Variants in CIPC observed in about 807,000 individuals in gnomAD.
CIPC encodes the protein CLOCK-interacting pacemaker.
Under a neutral mutation model 26.7 loss-of-function variants are expected in CIPC, and 12 were observed. That is an observed-to-expected ratio of 0.45 (90% CI 0.29 to 0.73). The LOEUF (loss-of-function observed/expected upper bound fraction) is 0.73. Ranked by LOEUF, CIPC falls within the 30% of genes least tolerant of loss-of-function variation. The pLI is 0.12. For missense variants in CIPC, 417 were observed against 486.5 expected (o/e 0.86, Z 1.34); for synonymous variants, 170 against 189.8 (o/e 0.90, Z 0.86).
intron 1 of CIPC, among the ~76,000 whole-genome samples, chr14:77,102,592 T>G (rs574019468): frequency 6.6e-6 from 1 of 152,352 alleles, no homozygotes; most frequent in Non-Finnish European, 1.5e-5. Context: ...CCTTTTTCAT[T>G]GTTTTGCCGC....
In CIPC at chr14:77,113,737, G is replaced by C. The variant is rs769920413; in HGVS notation, c.619G>C (p.Ala207Pro). Residue 207 changes from alanine to proline, a missense_variant, in exon 4 of 4, where the codon GCT (alanine) becomes CCT (proline). By Grantham distance (27) the Ala-to-Pro change is conservative. Coordinates refer to ENST00000361786, the MANE Select transcript of CIPC (RefSeq NM_033426.3). ...TTCCAGTGAGCCAACCAAGGCTGGT[G>C]CTGTCCCATCCAGTCCCTCGACGCC... ...LSSSEPTKAGAVPSSPSTPAP... is the reference protein window; with the variant it reads ...LSSSEPTKAGPVPSSPSTPAP... 4 of 1,612,758 alleles carry C rather than the reference G, an allele frequency of 2.5e-6. No homozygotes were observed. In the South Asian group the frequency reaches 4.4e-5, roughly 18 times the overall value.
At chr14:77,113,375 A>G (rs745504591) in intron 3 of CIPC, 50 bp from the exon 4 acceptor site, 12 of 1,602,996 alleles carry the variant, frequency 7.5e-6, no homozygotes, top group South Asian at 2.2e-5. Context: ...TCACTCCTCT[A>G]TCCTTTCAGC....
intron 2 of CIPC, among the ~76,000 whole-genome samples, chr14:77,108,443 G>T (rs1886633732): frequency 6.6e-6 from 1 of 152,154 alleles, no homozygotes; most frequent in South Asian, 2.1e-4. Context: ...TGTAATCTCA[G>T]CACTTTGGGA....
Position 77,114,417 on chromosome 14 carries a change from A to G in CIPC, c.*99A>G. The G allele has an allele frequency of 1.5e-6, 2 of 1,292,484 alleles. No homozygotes were observed. The highest frequency in any genetic ancestry group is 2.1e-6 in the Non-Finnish European group (2 of 933,338). The allele number at this position is 1,292,484 out of a possible 1,614,324, so 80.1% of individuals were successfully genotyped here. ...AGCTTATGTAAGAGCTTTTCCTTCT[A>G]AACTTAAACTGTGTTGTGGTTCACT... On this transcript the variant is annotated 3_prime_UTR_variant, in exon 4 of 4. Transcript: ENST00000361786.
chr14:77,116,336 T>G lies in CIPC; in HGVS notation c.*2018T>G, dbSNP rs1301044422. 2.6e-5 allele frequency: 4 copies of G among 152,234 alleles called. No homozygotes were observed. The highest frequency in any genetic ancestry group is 5.9e-5 in the Non-Finnish European group (4 of 68,038). 9.4% of individuals were successfully genotyped at this position (152,234 alleles called of 1,614,324 possible). A position where few individuals can be genotyped will look rare whatever the true frequency, so the allele number is the denominator to read the frequency against. On this transcript the variant is annotated 3_prime_UTR_variant, in exon 4 of 4. Coordinates refer to ENST00000361786, the MANE Select transcript of CIPC (RefSeq NM_033426.3). ...CTGTGTGGTACTATAGCAGCTCTAC[T>G]CTGTGCACCATGCTAGGAAGCTTCC...
At chr14:77,101,276 G>A (rs1430689101) in intron 1 of CIPC, among the ~76,000 whole-genome samples, 2 of 152,088 alleles carry the variant, frequency 1.3e-5, no homozygotes, top group African/African-American at 4.8e-5. Context: ...GTGTGAGTGG[G>A]TCCCTCAGCC....
rs372803980 is a variant in CIPC, at chr14:77,116,648, A to G, written c.*2330A>G. ...CAGCACCACTCTCAGCTCTTTTCTAATCTTGTAACTTAGTGCTAGAAGTCT... is the reference window on the plus strand; with the variant it reads ...CAGCACCACTCTCAGCTCTTTTCTAGTCTTGTAACTTAGTGCTAGAAGTCT... On this transcript the variant is annotated 3_prime_UTR_variant, in exon 4 of 4. Transcript: ENST00000361786. The G allele has an allele frequency of 1.6e-4, 25 of 152,248 alleles. No homozygotes were observed. The highest frequency in any genetic ancestry group is 1.1e-3 in the Admixed American group (17 of 15,288). 9.4% of individuals were successfully genotyped at this position (152,248 alleles called of 1,614,324 possible).
Position 77,114,587 on chromosome 14 carries a change from T to G in CIPC, c.*269T>G. ...AGCCTGCAGGTGCTTCAATGGATCA[T>G]GGGGCAAAGCAGGAGATGATTGTGT... is the stretch of plus-strand genomic sequence containing the variant. On this transcript the variant is annotated 3_prime_UTR_variant, in exon 4 of 4. Coordinates refer to ENST00000361786, the MANE Select transcript of CIPC (RefSeq NM_033426.3). The G allele has an allele frequency of 2.5e-6, 1 of 397,324 alleles. No individual in the cohort carries two copies. Among genetic ancestry groups the G allele is most frequent in the Non-Finnish European group, 4.6e-6 (1 of 218,786 alleles). 24.6% of individuals were successfully genotyped at this position (397,324 alleles called of 1,614,324 possible).
rs1244185575 is a variant in CIPC at position 77,100,606 on chromosome 14, T to G, written c.-53+2245T>G. ...TTTTTCTTTTGACGGAGTCTCACTCTTCACCCAGGCTGGAGGGCAGTGGCA... is the reference window on the plus strand; with the variant it reads ...TTTTTCTTTTGACGGAGTCTCACTCGTCACCCAGGCTGGAGGGCAGTGGCA... On this transcript the variant is annotated intron_variant, in intron 1 of 3. Coordinates refer to ENST00000361786, the MANE Select transcript of CIPC (RefSeq NM_033426.3). 2.0e-5 allele frequency among the ~76,000 whole-genome samples: 3 copies of G among 149,478 alleles called. No homozygotes were observed. The East Asian group carries it at 5.9e-4, about 29-fold the overall frequency.
intron 1 of CIPC, among the ~76,000 whole-genome samples, chr14:77,105,311 T>G (rs1447656410): frequency 6.6e-6 from 1 of 152,144 alleles, no homozygotes; most frequent in Non-Finnish European, 1.5e-5. Flanking sequence ...TTTTCCCTTC[T>G]CTTCACTCCC....
intron 1 of CIPC, among the ~76,000 whole-genome samples, chr14:77,100,372 G>A (rs530954851): frequency 5.3e-5 from 8 of 151,112 alleles, no homozygotes; most frequent in Non-Finnish European, 1.2e-4. Context: ...CTCTTGAGAA[G>A]CTGGGATTAC....
intron 1 of CIPC, among the ~76,000 whole-genome samples, chr14:77,100,605 C>G (rs1886462666): frequency 6.7e-6 from 1 of 149,716 alleles, no homozygotes; most frequent in Admixed American, 6.7e-5. Context: ...GAGTCTCACT[C>G]TTCACCCAGG....
At chr14:77,109,685 A>C in intron 2 of CIPC, 127 bp from the exon 3 acceptor site, 1 of 777,376 alleles carries the variant, frequency 1.3e-6, no homozygotes, top group Non-Finnish European at 2.0e-6. Flanking sequence ...CCTCCTTCTC[A>C]ATAAAATTCA....
intron 1 of CIPC, among the ~76,000 whole-genome samples, chr14:77,101,549 G>C (rs539707199): frequency 1.3e-5 from 2 of 152,138 alleles, no homozygotes; most frequent in Non-Finnish European, 2.9e-5. Context: ...TTTAGCATCT[G>C]TTCTCTTTTT....
intron 3 of CIPC, among the ~76,000 whole-genome samples, chr14:77,110,419 C>T (rs1467648913): frequency 6.6e-6 from 1 of 152,088 alleles, no homozygotes; most frequent in East Asian, 1.9e-4. Flanking sequence ...GAGGCAATTT[C>T]CCTGTTTCTT....
chr14:77,109,788 G>C, intron 2 of CIPC, 24 bp from the exon 3 acceptor site: 1 of 1,600,920 alleles, frequency 6.2e-7, no homozygotes, highest in Non-Finnish European at 8.5e-7. Flanking sequence ...GCCTGAGTGA[G>C]TTGACCATTC....
chr14:77,106,736 T>C (rs1886597688), intron 2 of CIPC, among the ~76,000 whole-genome samples: 1 of 152,218 alleles, frequency 6.6e-6, no homozygotes, highest in African/African-American at 2.4e-5. Flanking sequence ...TAGAACTCTC[T>C]TGTCTTTAGA....
intron 1 of CIPC, among the ~76,000 whole-genome samples, chr14:77,101,322 G>C (rs158103): frequency 0.29 from 43,488 of 152,036 alleles, 6,234 homozygotes; most frequent in Admixed American, 0.33. Context: ...TCCTCCGAAA[G>C]AGTAAAGTTT....
At chr14:77,109,734 G>T in intron 2 of CIPC, 78 bp from the exon 3 acceptor site, 2 of 1,334,482 alleles carry the variant, frequency 1.5e-6, no homozygotes, top group East Asian at 2.3e-5. Flanking sequence ...ATTTCAAGAG[G>T]TCTGTAGCTC....
Sources: allele counts gnomAD v4.1 joint callset (sites outside exome capture counted in the v4.1 genomes callset), GRCh38; gene constraint gnomAD v4.1.1; transcripts MANE v1.5; gene names NCBI Gene and HGNC (gene_info 2026-07-23, HGNC 2026-07-21).